BNC2: variants seen among roughly 807,000 people sequenced by gnomAD.
BNC2 encodes basonuclin zinc finger protein 2.
BNC2 carries 20 observed loss-of-function variants against 76.3 expected under a neutral mutation model. That is an observed-to-expected ratio of 0.26 (90% confidence interval 0.18 to 0.38). BNC2 has a LOEUF of 0.38. BNC2 is among the 10% of genes least tolerant of loss of function. BNC2 has a pLI of 1.00. For missense variants in BNC2, 1,382 were observed against 1,399.8 expected (o/e 0.99, Z 0.20); for synonymous variants, 582 against 514.8 (o/e 1.13, Z -1.77).
intron 5 of BNC2, among the ~76,000 whole-genome samples, chr9:16,521,306 T>G (rs1479065224): frequency 6.6e-6 from 1 of 152,212 alleles, no homozygotes; most frequent in Non-Finnish European, 1.5e-5. Context: ...GCTCCGAATG[T>G]ACCCACAACC....
intron 3 of BNC2, among the ~76,000 whole-genome samples, chr9:16,712,080 G>C (rs1438951258): frequency 6.6e-6 from 1 of 152,148 alleles, no homozygotes; most frequent in Admixed American, 6.5e-5. Flanking sequence ...TGAGAACCAA[G>C]ACAAAAATGT....
chr9:16,846,471 C>A (rs1170450692), intron 1 of BNC2, among the ~76,000 whole-genome samples: 1 of 152,188 alleles, frequency 6.6e-6, no homozygotes, highest in Middle Eastern at 3.2e-3. Context: ...TGTAAGTCCA[C>A]CACGCAACAC....
intron 6 of BNC2, chr9:16,431,291 T>C (rs1820903128): frequency 4.2e-6 from 1 of 236,010 alleles, no homozygotes. Context: ...AAAAACCAAA[T>C]GCAACTTATA....
At chr9:16,812,890 G>C (rs1818087094) in intron 1 of BNC2, among the ~76,000 whole-genome samples, 1 of 152,102 alleles carries the variant, frequency 6.6e-6, no homozygotes, top group African/African-American at 2.4e-5. Context: ...GTTACCTCAA[G>C]AAAAACAATA....
intron 5 of BNC2, among the ~76,000 whole-genome samples, chr9:16,524,976 G>A (rs528291560): frequency 2.0e-5 from 3 of 151,976 alleles, no homozygotes; most frequent in East Asian, 3.9e-4. Context: ...AGAAGGCTAA[G>A]GTGGGAGGAT....
At chr9:16,430,947 T>G (rs1820896757) in intron 6 of BNC2, among the ~76,000 whole-genome samples, 1 of 152,208 alleles carries the variant, frequency 6.6e-6, no homozygotes, top group South Asian at 2.1e-4. Flanking sequence ...GTCTTTAAAT[T>G]TATTCATATG....
intron 3 of BNC2, among the ~76,000 whole-genome samples, chr9:16,596,726 C>T (rs1159045312): frequency 6.6e-6 from 1 of 152,152 alleles, no homozygotes; most frequent in Admixed American, 6.5e-5. Flanking sequence ...ACTGCAACTT[C>T]TGCCCTCTCT....
At chr9:16,455,508 T>C (rs1821427733) in intron 5 of BNC2, among the ~76,000 whole-genome samples, 1 of 152,126 alleles carries the variant, frequency 6.6e-6, no homozygotes, top group South Asian at 2.1e-4. Context: ...AAAGAAATAT[T>C]GGCCGGGCGT....
intron 1 of BNC2, among the ~76,000 whole-genome samples, chr9:16,863,682 G>A (rs576664350): frequency 3.3e-5 from 5 of 152,152 alleles, no homozygotes; most frequent in Admixed American, 6.5e-5. Context: ...GCGACAGAGC[G>A]AGATTCCGTT....
rs142835657 is a variant in BNC2 at position 16,496,056 on chromosome 9, C to T, written c.669+56474G>A. On this transcript the variant is annotated intron_variant, in intron 5 of 6. Coordinates refer to ENST00000380672, the MANE Select transcript of BNC2 (RefSeq NM_017637.6). ...CTCAAGTAGCTGGGATTACAGGTGC[C>T]CACCACCATGCCCGGCTAATCTTTG... Among the ~76,000 whole-genome samples the T allele has an allele frequency of 2.6e-5, 4 of 151,706 alleles. No homozygotes were observed. In the East Asian group the frequency reaches 7.8e-4, roughly 30 times the overall value.
rs771950367 is a variant in BNC2 at position 16,738,507 on chromosome 9, A to G, written c.4-22T>C. On this transcript the variant is annotated intron_variant, in intron 1 of 6. Coordinates refer to ENST00000380672, the MANE Select transcript of BNC2 (RefSeq NM_017637.6). ...GTGCCTATTGAGAGATTGGGAAAGG[A>G]AATTACATATGCCCAGACAGTATTA... The G allele has an allele frequency of 2.9e-5, 47 of 1,613,464 alleles. No homozygotes were observed. In the Middle Eastern group the frequency reaches 1.3e-3, roughly 45 times the overall value.
chr9:16,535,429 G>C (rs1818100461), intron 5 of BNC2, among the ~76,000 whole-genome samples: 1 of 152,126 alleles, frequency 6.6e-6, no homozygotes, highest in Non-Finnish European at 1.5e-5. Context: ...CAGTTTCCTA[G>C]ATTCCCATAT....
chr9:16,632,754 G>A (rs550732080), intron 3 of BNC2, among the ~76,000 whole-genome samples: 2 of 152,272 alleles, frequency 1.3e-5, no homozygotes, highest in South Asian at 4.2e-4. Flanking sequence ...ACGCCATCTG[G>A]TAATATTCCA....
At chr9:16,870,490 C>G (rs1190781666) in intron 1 of BNC2, among the ~76,000 whole-genome samples, 156 bp downstream of exon 1, 1 of 152,060 alleles carries the variant, frequency 6.6e-6, no homozygotes, top group African/African-American at 2.4e-5. Context: ...GACCGGGGTT[C>G]TGGTCCCCGG....
At chr9:16,768,797 A>T (rs1320048259) in intron 1 of BNC2, among the ~76,000 whole-genome samples, 1 of 152,218 alleles carries the variant, frequency 6.6e-6, no homozygotes, top group Admixed American at 6.5e-5. Flanking sequence ...ACAATTTATC[A>T]AAAGCGATAT....
At chr9:16,636,557 C>A (rs1048595632) in intron 3 of BNC2, among the ~76,000 whole-genome samples, 1 of 152,130 alleles carries the variant, frequency 6.6e-6, no homozygotes, top group Non-Finnish European at 1.5e-5. Context: ...CCTACCTCGG[C>A]CTCCCAAAGT....
At chr9:16,497,304 G>A (rs1313424945) in intron 5 of BNC2, among the ~76,000 whole-genome samples, 1 of 152,226 alleles carries the variant, frequency 6.6e-6, no homozygotes, top group East Asian at 1.9e-4. Context: ...ACATTTCTGT[G>A]AAGTAGATGT....
chr9:16,691,903 C>T (rs1421023162), intron 3 of BNC2, among the ~76,000 whole-genome samples: 5 of 150,840 alleles, frequency 3.3e-5, no homozygotes, highest in Non-Finnish European at 5.9e-5. Context: ...CTCTGCCTCC[C>T]GGGTTCAAGT....
intron 6 of BNC2, among the ~76,000 whole-genome samples, chr9:16,424,574 A>G (rs116067896): frequency 1.7e-3 from 257 of 152,324 alleles, no homozygotes; most frequent in African/African-American, 5.9e-3. Context: ...CAACATATAC[A>G]TAGCGTAACA....
Sources: gnomAD v4.1 joint callset for allele counts (sites outside exome capture counted in the v4.1 genomes callset) on GRCh38, gnomAD v4.1.1 for gene constraint, MANE v1.5 for transcripts, NCBI Gene and HGNC (gene_info 2026-07-23, HGNC 2026-07-21) for gene names.